GLRA3: variants seen among roughly 807,000 people sequenced by gnomAD.
The protein encoded by GLRA3 is glycine receptor subunit alpha-3.
A neutral mutation model predicts 60.4 loss-of-function variants in GLRA3; 44 were observed. The ratio of observed to expected loss-of-function variants is 0.73; its 90% confidence interval spans 0.57 to 0.94. The LOEUF (loss-of-function observed/expected upper bound fraction) is 0.94. GLRA3 is among the 40% of genes least tolerant of loss of function. GLRA3 has a pLI of 0.00. For synonymous variants in GLRA3, 223 were observed against 192.9 expected, an observed-to-expected ratio of 1.16 and a Z score of -1.29; for missense variants, 508 against 564.6, an observed-to-expected ratio of 0.90 and a Z score of 1.02.
At chr4:174,737,552 C>T (rs529213940) in intron 3 of GLRA3, among the ~76,000 whole-genome samples, 304 of 151,734 alleles carry the variant, frequency 2.0e-3, no homozygotes, top group Non-Finnish European at 3.1e-3. Flanking sequence ...CTCTCTCTGT[C>T]GCCCAGGCTG....
At chr4:174,685,790 C>T (rs1183309168) in intron 5 of GLRA3, among the ~76,000 whole-genome samples, 1 of 151,988 alleles carries the variant, frequency 6.6e-6, no homozygotes, top group African/African-American at 2.4e-5. Context: ...ACCAATTCTA[C>T]CTTCTGCCAG....
chr4:174,669,351 G>A (rs750999519), intron 7 of GLRA3, among the ~76,000 whole-genome samples: 2 of 151,916 alleles, frequency 1.3e-5, no homozygotes, highest in Non-Finnish European at 2.9e-5. Context: ...TACTGAAAAG[G>A]CAAAAGGAGG....
chr4:174,692,792 A>G (rs372812933), intron 5 of GLRA3, among the ~76,000 whole-genome samples: 3 of 152,146 alleles, frequency 2.0e-5, no homozygotes, highest in African/African-American at 7.2e-5. Flanking sequence ...ACCCAGGGAC[A>G]CAAACACTGC....
At position 174,642,184 on chromosome 4, in the gene GLRA3, A is replaced by C. The variant is rs1732641631; in HGVS notation, c.*1602T>G. On this transcript the variant is annotated 3_prime_UTR_variant, in exon 10 of 10. Coordinates refer to ENST00000274093, the MANE Select transcript of GLRA3 (RefSeq NM_006529.4). ...TAAAATGTTATTTTAAAAAATTACA[A>C]TTGTATAAGCTGATGTACAATAACA... 39 of 863,338 alleles carry C rather than the reference A, an allele frequency of 4.5e-5. No individual in the cohort carries two copies. The highest frequency in any genetic ancestry group is 5.3e-5 in the Non-Finnish European group (38 of 718,688). The allele number at this position is 863,338 out of a possible 1,614,324, so 53.5% of individuals were successfully genotyped here. A position where few individuals can be genotyped will look rare whatever the true frequency, so the allele number is the denominator to read the frequency against.
chr4:174,759,436 T>C (rs13130820), intron 3 of GLRA3, among the ~76,000 whole-genome samples: 88,595 of 151,890 alleles, frequency 0.58, 25,994 homozygotes, highest in Middle Eastern at 0.73. Context: ...TAAATGATAT[T>C]AATAATATTT....
At chr4:174,689,722 C>T (rs751194412) in intron 5 of GLRA3, among the ~76,000 whole-genome samples, 41 of 133,408 alleles carry the variant, frequency 3.1e-4, no homozygotes, top group Non-Finnish European at 5.9e-4. Flanking sequence ...AGGCTAAATG[C>T]CCCACTTAAA....
chr4:174,693,609 C>G (rs190935748), intron 5 of GLRA3, among the ~76,000 whole-genome samples: 9 of 152,120 alleles, frequency 5.9e-5, no homozygotes, highest in Non-Finnish European at 1.5e-5. Context: ...CTATATTTTG[C>G]TTAGGATTGC....
chr4:174,829,219 C>G lies in GLRA3; in HGVS notation c.-408G>C, dbSNP rs922498061. On this transcript the variant is annotated 5_prime_UTR_variant, in exon 1 of 10. Coordinates refer to ENST00000274093, the MANE Select transcript of GLRA3 (RefSeq NM_006529.4). ...CTCTCCACCTGCTCCAAGCGCCGCC[C>G]GCCGGAATCCAGCTCTCCACCTTGG... 2 of 162,154 alleles carry G rather than the reference C, an allele frequency of 1.2e-5. No homozygotes were observed. The highest frequency in any genetic ancestry group is 2.7e-5 in the Non-Finnish European group (2 of 74,400). 10.0% of individuals were successfully genotyped at this position (162,154 alleles called of 1,614,324 possible). A position where few individuals can be genotyped will look rare whatever the true frequency, so the allele number is the denominator to read the frequency against.
chr4:174,744,285 G>A (rs1249580290), intron 3 of GLRA3, among the ~76,000 whole-genome samples: 9 of 152,252 alleles, frequency 5.9e-5, no homozygotes, highest in Non-Finnish European at 1.3e-4. Flanking sequence ...AATCACCTAC[G>A]TGGCCTGTGA....
chr4:174,695,192 C>T (rs1025196424), intron 5 of GLRA3, among the ~76,000 whole-genome samples: 1 of 151,868 alleles, frequency 6.6e-6, no homozygotes, highest in Admixed American at 6.6e-5. Flanking sequence ...TTTACAGAAG[C>T]TATTCCGAAA....
intron 1 of GLRA3, among the ~76,000 whole-genome samples, chr4:174,798,269 A>G (rs1739649309): frequency 1.3e-5 from 2 of 152,192 alleles, no homozygotes; most frequent in South Asian, 4.1e-4. Context: ...TTTACTATGT[A>G]TTCACTACCT....
At chr4:174,721,212 A>G (rs927862248) in intron 4 of GLRA3, among the ~76,000 whole-genome samples, 3 of 152,100 alleles carry the variant, frequency 2.0e-5, no homozygotes, top group Non-Finnish European at 4.4e-5. Flanking sequence ...TATTTTTAGT[A>G]GAGACGGGGT....
intron 1 of GLRA3, among the ~76,000 whole-genome samples, chr4:174,804,734 G>T (rs932233957): frequency 1.3e-5 from 2 of 152,132 alleles, no homozygotes; most frequent in African/African-American, 2.4e-5. Context: ...CAGAACGCGC[G>T]GTCCTGGAGA....
At chr4:174,646,164 C>T (rs758837993) in intron 9 of GLRA3, among the ~76,000 whole-genome samples, 52 of 152,284 alleles carry the variant, frequency 3.4e-4, no homozygotes, top group Non-Finnish European at 3.8e-4. Context: ...TCAAAATGCT[C>T]AGATATCAGG....
At chr4:174,655,776 A>G (rs957578068) in intron 9 of GLRA3, among the ~76,000 whole-genome samples, 17 of 152,256 alleles carry the variant, frequency 1.1e-4, no homozygotes, top group Admixed American at 9.8e-4. Context: ...ATGCTGGGAA[A>G]TAAGATGTAA....
At position 174,719,242 on chromosome 4, in the gene GLRA3, C is replaced by T. The variant is rs1252794708; in HGVS notation, c.492-3672G>A. On this transcript the variant is annotated intron_variant, in intron 4 of 9. Coordinates refer to ENST00000274093, the MANE Select transcript of GLRA3 (RefSeq NM_006529.4). ...CCTCCCAAAGTGCTGGGATTACAGG[C>T]GTGAGCCACCGCGCCCGGCCTCGTG... is the stretch of plus-strand genomic sequence containing the variant. 5.9e-5 allele frequency among the ~76,000 whole-genome samples: 9 copies of T among 152,204 alleles called. 1 individual carries two copies. Among genetic ancestry groups the T allele is most frequent in the Admixed American group, 5.2e-4 (8 of 15,288 alleles).
chr4:174,714,048 C>G (rs1009506266), intron 5 of GLRA3, among the ~76,000 whole-genome samples: 1 of 152,218 alleles, frequency 6.6e-6, no homozygotes, highest in African/African-American at 2.4e-5. Flanking sequence ...CACTGCGAAT[C>G]AGCCTCTCCT....
At chr4:174,653,096 T>C (rs1334340120) in intron 9 of GLRA3, among the ~76,000 whole-genome samples, 1 of 152,090 alleles carries the variant, frequency 6.6e-6, no homozygotes, top group Non-Finnish European at 1.5e-5. Context: ...TGCCAAATAC[T>C]TTTTTGTAAC....
chr4:174,643,650 TA>T lies in GLRA3; in HGVS notation c.*135del. The T allele has an allele frequency of 7.1e-7, 1 of 1,401,308 alleles. No individual in the cohort carries two copies. Among genetic ancestry groups the T allele is most frequent in the Non-Finnish European group, 9.3e-7 (1 of 1,074,926 alleles). 86.8% of individuals were successfully genotyped at this position (1,401,308 alleles called of 1,614,324 possible). ...CATGACTTTGCATAGCTAACCAAAA[TA>T]CAAAGCTTTTCCATATGCCATTTTA... On this transcript the variant is annotated 3_prime_UTR_variant, in exon 10 of 10. Transcript: ENST00000274093.
Sources: allele counts gnomAD v4.1 joint callset (sites outside exome capture counted in the v4.1 genomes callset), GRCh38; gene constraint gnomAD v4.1.1; transcripts MANE v1.5; gene names NCBI Gene and HGNC (gene_info 2026-07-23, HGNC 2026-07-21).